The following DGKA variants were observed in gnomAD, a reference collection of about 807,000 sequenced individuals.
DGKA encodes 80 kDa diacylglycerol kinase.
Under a neutral mutation model 105.0 loss-of-function variants are expected in DGKA, and 35 were observed. That is an observed-to-expected ratio of 0.33 (90% confidence interval 0.25 to 0.44). The LOEUF (loss-of-function observed/expected upper bound fraction) is 0.44. Ranked by LOEUF, DGKA falls within the 20% of genes least tolerant of loss-of-function variation. The probability of loss-of-function intolerance (pLI) is 1.00; values close to 1 mark genes in which losing one functional copy is unlikely to be tolerated. For missense variants in DGKA, 665 were observed against 915.0 expected, an observed-to-expected ratio of 0.73 and a Z score of 3.53; for synonymous variants, 296 against 332.0, an observed-to-expected ratio of 0.89 and a Z score of 1.18.
chr12:55,937,366 G>A, intron 3 of DGKA, 42 bp from the exon 4 acceptor site: 1 of 1,603,526 alleles, frequency 6.2e-7, no homozygotes, highest in Non-Finnish European at 8.5e-7. Flanking sequence ...CCCCAGCTCT[G>A]ACCTTGCAGA....
upstream of DGKA, chr12:55,929,679 T>A (rs1160038653): frequency 6.6e-6 from 1 of 152,234 alleles, no homozygotes; most frequent in Non-Finnish European, 1.5e-5. Flanking sequence ...ATGTGGTTGA[T>A]TAAAGAAATG....
upstream of DGKA, chr12:55,927,647 T>C: frequency 1.3e-6 from 2 of 1,513,102 alleles, no homozygotes; most frequent in Non-Finnish European, 1.8e-6. Context: ...GTGTGCCGAT[T>C]GCTGTCGGCC....
At chr12:55,947,762 T>C (rs1887327694) in intron 17 of DGKA, among the ~76,000 whole-genome samples, 1 of 152,162 alleles carries the variant, frequency 6.6e-6, no homozygotes, top group Admixed American at 6.6e-5. Flanking sequence ...TAGAATTGCT[T>C]ACTCGGAGAA....
intron 17 of DGKA, among the ~76,000 whole-genome samples, chr12:55,944,310 T>G (rs1565751175): frequency 1.3e-5 from 2 of 151,626 alleles, no homozygotes; most frequent in Non-Finnish European, 2.9e-5. Context: ...TAAAAATAAA[T>G]AAACACACAA....
rs1472954760 is a variant in DGKA, at chr12:55,953,153, A to G, written c.2056A>G (p.Thr686Ala). The G allele has an allele frequency of 6.2e-7, 1 of 1,614,094 alleles. No homozygotes were observed. The highest frequency in any genetic ancestry group is 1.3e-5 in the African/African-American group (1 of 75,002). The change falls in exon 22 of 24, where the codon ACC becomes GCC. Residue 686 changes from threonine (T) to alanine (A), a missense_variant. Physicochemically the swap from Thr to Ala is moderately conservative, Grantham distance 58. Around this residue, in one of 3 missense-constraint regions of DGKA, gnomAD observed 158 missense variants for 213.4 expected, o/e 0.74. Transcript: ENST00000331886. Reference protein sequence around the residue: ...GRRLAKCSEITFHTTKTLPMQ... With the variant: ...GRRLAKCSEIAFHTTKTLPMQ... ...TCGGCTGGCCAAGTGCTCTGAGATC[A>G]CCTTCCAGTAAGGAAGACTCCACCA...
chr12:55,937,374 A>G (rs1362542016), intron 3 of DGKA, 34 bp from the exon 4 acceptor site: 2 of 1,606,230 alleles, frequency 1.2e-6, no homozygotes, highest in African/African-American at 1.3e-5. Flanking sequence ...CTGACCTTGC[A>G]GACTCCCCAG....
upstream of DGKA, chr12:55,927,622 G>A: frequency 2.1e-6 from 3 of 1,418,620 alleles, no homozygotes; most frequent in Non-Finnish European, 2.9e-6. Flanking sequence ...CTAAGAAGGT[G>A]GGGAGGTCGA....
intron 17 of DGKA, among the ~76,000 whole-genome samples, chr12:55,946,413 G>A (rs528222976): frequency 6.6e-6 from 1 of 152,116 alleles, no homozygotes; most frequent in African/African-American, 2.4e-5. Context: ...CTGGAGTGCA[G>A]TGGCGCGATC....
Position 55,940,656 on chromosome 12 carries a change from T to C in DGKA, c.951T>C (p.His317=), listed in dbSNP as rs1245720787. 5.6e-6 allele frequency: 9 copies of C among 1,596,730 alleles called. No individual in the cohort carries two copies. Among genetic ancestry groups the C allele is most frequent in the Non-Finnish European group, 7.7e-6 (9 of 1,173,324 alleles). Reference sequence around the variant, plus strand: ...ATGACTGCCTGCAAGCGGTGGGCCATGAGTGTGACTGTGGGCTGCTCCGGG... The same window carrying C: ...ATGACTGCCTGCAAGCGGTGGGCCACGAGTGTGACTGTGGGCTGCTCCGGG... ...IHDDCLQAVG[H]ECDCGLLRDH... The change falls in exon 12 of 24, where the codon CAT becomes CAC. Residue 317 remains histidine (H), a synonymous_variant. Coordinates refer to ENST00000331886, the MANE Select transcript of DGKA (RefSeq NM_001345.5). The surrounding 1 kb of genome is among the most constrained non-coding windows in gnomAD (Gnocchi z 4.3).
At chr12:55,944,413 A>G (rs914903495) in intron 17 of DGKA, among the ~76,000 whole-genome samples, 1 of 152,238 alleles carries the variant, frequency 6.6e-6, no homozygotes, top group African/African-American at 2.4e-5. Context: ...GGCTGTAGTG[A>G]GCCATGATTG....
chr12:55,940,355 G>A lies in DGKA; in HGVS notation c.840G>A (p.Gly280=). ...GGGTGCGAGGAGGCTGTGAGTCCGG[G>A]CGCTGCGACCGCTGTCAGAAAAAGA... The part of the protein sequence containing the change: ...HVWVRGGCES[G]RCDRCQKKIR... The change falls in exon 11 of 24, where the codon GGG becomes GGA. Residue 280 remains glycine, a synonymous_variant. Transcript: ENST00000331886. This position sits in a 1 kb window ranked among gnomAD's most constrained non-coding sequence, Gnocchi z 4.3. The A allele has an allele frequency of 1.9e-6, 3 of 1,614,236 alleles. No individual in the cohort carries two copies. Among genetic ancestry groups the A allele is most frequent in the Non-Finnish European group, 2.5e-6 (3 of 1,180,042 alleles).
At chr12:55,937,212 T>TCACTAGAGATAC in intron 3 of DGKA, 122 bp downstream of exon 3, 1 of 1,250,492 alleles carries the variant, frequency 8.0e-7, no homozygotes, top group Admixed American at 1.8e-5. Context: ...TACCCTAGTG[T>TCACTAGAGATAC]CCATTGTCAC....
Position 55,932,373 on chromosome 12 carries a change from G to A in DGKA, c.-82+1029G>A, listed in dbSNP as rs1363135093. On this transcript the variant is annotated intron_variant, in intron 1 of 23. Transcript: ENST00000331886. This position sits in a 1 kb window ranked among gnomAD's most constrained non-coding sequence, Gnocchi z 4.3. Reference sequence around the variant, plus strand: ...TCCCTCCCGCTCATTCGGAGGGATGGTGAAGCCCGGTTCCTGGGACCCGAC... The same window carrying A: ...TCCCTCCCGCTCATTCGGAGGGATGATGAAGCCCGGTTCCTGGGACCCGAC... The A allele has an allele frequency of 6.7e-6, 4 of 599,092 alleles. No individual in the cohort carries two copies. Among genetic ancestry groups the A allele is most frequent in the African/African-American group, 1.9e-5 (1 of 53,986 alleles). 37.1% of individuals were successfully genotyped at this position (599,092 alleles called of 1,614,324 possible). A position where few individuals can be genotyped will look rare whatever the true frequency, so the allele number is the denominator to read the frequency against.
upstream of DGKA, among the ~76,000 whole-genome samples, chr12:55,928,589 A>G (rs147103782): frequency 0.018 from 2,467 of 137,972 alleles, 90 homozygotes; most frequent in African/African-American, 0.063. Flanking sequence ...GAGGCAGAGA[A>G]TTTCTTGAAT....
chr12:55,927,348 G>T, upstream of DGKA: 1 of 735,206 alleles, frequency 1.4e-6, no homozygotes, highest in Non-Finnish European at 2.4e-6. Context: ...CTGTAAAACA[G>T]TCCTCAGGGA....
Position 55,950,330 on chromosome 12 carries a change from G to A in DGKA, c.1427-1293G>A, listed in dbSNP as rs201916586. Among the ~76,000 whole-genome samples the A allele has an allele frequency of 2.3e-4, 34 of 148,458 alleles. No homozygotes were observed. The East Asian group carries it at 3.2e-3, about 14-fold the overall frequency. On this transcript the variant is annotated intron_variant, in intron 17 of 23. Transcript: ENST00000331886. ...TATTTTATTTTTTATTTTTTGAGAC[G>A]GAGTCTTGCTCTGTCACCCAGGCTG...
rs763098707 is a variant in DGKA at position 55,941,571 on chromosome 12, G to T, written c.1237G>T (p.Gly413Cys). 8.7e-6 allele frequency: 14 copies of T among 1,614,012 alleles called. No homozygotes were observed. The highest frequency in any genetic ancestry group is 4.0e-5 in the African/African-American group (3 of 74,924). The change falls in exon 15 of 24, where the codon GGT (glycine) becomes TGT (cysteine). Residue 413 changes from glycine (G) to cysteine (C), a missense_variant. Transcript: ENST00000331886. ...PRQVFNLLKD[G>C]PEIGLRLFKD... Reference sequence around the variant, plus strand: ...ACAGGTGTTCAACCTCCTAAAGGATGGTCCTGAGATAGGGTGAGCACAGGT... The same window carrying T: ...ACAGGTGTTCAACCTCCTAAAGGATTGTCCTGAGATAGGGTGAGCACAGGT...
At chr12:55,941,702 G>C (rs1348201317) in intron 15 of DGKA, 118 bp downstream of exon 15, 25 of 1,091,370 alleles carry the variant, frequency 2.3e-5, no homozygotes, top group Non-Finnish European at 3.2e-5. Flanking sequence ...TCCCCAAGAG[G>C]CCAGAATTCA....
rs113992488 is a variant in DGKA at position 55,941,437 on chromosome 12, A to G, written c.1176-73A>G. 2,761 of 1,590,674 alleles carry G rather than the reference A, an allele frequency of 1.7e-3. 49 individuals are homozygous for G. In the African/African-American group the frequency reaches 0.033, roughly 19 times the overall value. On this transcript the variant is annotated intron_variant, in intron 14 of 23. Transcript: ENST00000331886. ...GAGGGGCATACCTTGAGGAACACAC[A>G]AAGAGGGTGAGGTTCAGAAGATCAC...
Sources: allele counts gnomAD v4.1 joint callset (sites outside exome capture counted in the v4.1 genomes callset), GRCh38; gene constraint gnomAD v4.1.1; regional missense constraint gnomAD v4.1.1; non-coding constraint Gnocchi (gnomAD v3.1); transcripts MANE v1.5; gene names NCBI Gene and HGNC (gene_info 2026-07-23, HGNC 2026-07-21).